NXPE2: variants seen among roughly 807,000 people sequenced by gnomAD.
The protein encoded by NXPE2 is NXPE family member 2.
NXPE2 carries 34 observed loss-of-function variants against 34.4 expected under a neutral mutation model. That is an observed-to-expected ratio of 0.99 (90% CI 0.75 to 1.31). NXPE2 has a LOEUF of 1.31. Ranked by LOEUF, NXPE2 falls within the 40% of genes most tolerant of loss-of-function variation. The pLI is 0.00. For missense variants in NXPE2, 649 were observed against 672.5 expected (o/e 0.97, Z 0.39); for synonymous variants, 235 against 231.3 (o/e 1.02, Z -0.15).
At chr11:114,509,583 G>A in the NXPE2 span, among the ~76,000 whole-genome samples, 88,948 of 152,080 alleles carry the variant, frequency 0.58, 28,007 homozygotes, top group African/African-American at 0.84. Flanking sequence ...AGGGAATACT[G>A]TGCAGCCATA....
At chr11:114,574,939 C>A in the NXPE2 span, among the ~76,000 whole-genome samples, 6 of 152,028 alleles carry the variant, frequency 3.9e-5, no homozygotes, top group Non-Finnish European at 8.8e-5. Flanking sequence ...TGCTAAAATC[C>A]TCACCAAAAT....
At chr11:114,813,334 A>C in the NXPE2 span, among the ~76,000 whole-genome samples, 2 of 152,116 alleles carry the variant, frequency 1.3e-5, no homozygotes, top group South Asian at 2.1e-4. Flanking sequence ...CAGACCATTC[A>C]TCTCTCTGCC....
the NXPE2 span, among the ~76,000 whole-genome samples, chr11:114,595,372 G>A: frequency 2.0e-5 from 3 of 151,932 alleles, no homozygotes; most frequent in Non-Finnish European, 2.9e-5. Context: ...TCTTTGCACC[G>A]GAATTCCAAG....
chr11:114,494,704 G>A, the NXPE2 span, among the ~76,000 whole-genome samples: 4 of 152,020 alleles, frequency 2.6e-5, no homozygotes, highest in Non-Finnish European at 5.9e-5. Context: ...TTTGTTACTG[G>A]TGTATTTAGT....
chr11:114,647,323 T>G, the NXPE2 span, among the ~76,000 whole-genome samples: 1 of 152,298 alleles, frequency 6.6e-6, no homozygotes, highest in South Asian at 2.1e-4. Context: ...TGGTATAAAG[T>G]TTTATAAAAT....
chr11:114,805,975 C>T, the NXPE2 span, among the ~76,000 whole-genome samples: 24 of 152,118 alleles, frequency 1.6e-4, no homozygotes, highest in South Asian at 6.2e-4. Context: ...CTCACACTGC[C>T]GGGTACTCCT....
At chr11:114,808,309 C>G in the NXPE2 span, among the ~76,000 whole-genome samples, 1 of 151,594 alleles carries the variant, frequency 6.6e-6, no homozygotes, top group Non-Finnish European at 1.5e-5. Flanking sequence ...CAAACACATT[C>G]AAAAGCTAGC....
the NXPE2 span, among the ~76,000 whole-genome samples, chr11:114,721,386 T>C: frequency 2.0e-5 from 3 of 152,144 alleles, no homozygotes; most frequent in Admixed American, 1.3e-4. Context: ...AAAACCTGTC[T>C]CTGCCTGATC....
chr11:114,733,226 T>C, the NXPE2 span, among the ~76,000 whole-genome samples: 1 of 152,158 alleles, frequency 6.6e-6, no homozygotes, highest in Non-Finnish European at 1.5e-5. Flanking sequence ...CCTGAGTAGC[T>C]GGGACTACAG....
chr11:114,559,610 GT>G, the NXPE2 span, among the ~76,000 whole-genome samples: 3,436 of 146,408 alleles, frequency 0.023, 123 homozygotes, highest in African/African-American at 0.08. Context: ...CTCACTATCA[GT>G]TTTTTTTTTT....
At chr11:114,579,978 T>A in the NXPE2 span, among the ~76,000 whole-genome samples, 1 of 152,206 alleles carries the variant, frequency 6.6e-6, no homozygotes, top group Non-Finnish European at 1.5e-5. Flanking sequence ...ATTGTTTTTT[T>A]AAAGGAAGGA....
At chr11:114,576,992 C>T in the NXPE2 span, among the ~76,000 whole-genome samples, 18 of 88,974 alleles carry the variant, frequency 2.0e-4, 1 homozygote, top group South Asian at 7.6e-4. Flanking sequence ...TATATATATA[C>T]ATATATATAT....
the NXPE2 span, among the ~76,000 whole-genome samples, chr11:114,793,096 T>C: frequency 6.6e-6 from 1 of 152,212 alleles, no homozygotes; most frequent in Non-Finnish European, 1.5e-5. Flanking sequence ...ACACTAGTGA[T>C]ACAGAACAGG....
chr11:114,499,130 C>T, the NXPE2 span, among the ~76,000 whole-genome samples: 1 of 152,058 alleles, frequency 6.6e-6, no homozygotes, highest in African/African-American at 2.4e-5. Flanking sequence ...TAGAAAATCA[C>T]ACGTCTCATC....
the NXPE2 span, among the ~76,000 whole-genome samples, chr11:114,790,204 G>A: frequency 6.6e-6 from 1 of 152,178 alleles, no homozygotes; most frequent in Non-Finnish European, 1.5e-5. Flanking sequence ...AGGAGGACAA[G>A]ACCCCAGAAA....
the NXPE2 span, among the ~76,000 whole-genome samples, chr11:114,555,141 T>C: frequency 5.8e-4 from 88 of 152,300 alleles, no homozygotes; most frequent in African/African-American, 2.1e-3. Flanking sequence ...CTGTCTGGTA[T>C]AGATATTTCT....
the NXPE2 span, among the ~76,000 whole-genome samples, chr11:114,794,129 C>G: frequency 1.3e-5 from 2 of 152,274 alleles, no homozygotes; most frequent in East Asian, 3.9e-4. Flanking sequence ...TGCTGAGTCT[C>G]TCCCGTCGGC....
At chr11:114,739,140 C>T in the NXPE2 span, among the ~76,000 whole-genome samples, 148,392 of 152,332 alleles carry the variant, frequency 0.97, 72,394 homozygotes, top group Middle Eastern at 1. Flanking sequence ...TGATGCACCA[C>T]ACCAGCAGAT....
chr11:114,793,279 G>A, the NXPE2 span, among the ~76,000 whole-genome samples: 2 of 152,186 alleles, frequency 1.3e-5, no homozygotes, highest in South Asian at 4.1e-4. Flanking sequence ...CCCAATCATT[G>A]TATTGTAAAT....
Sources: gnomAD v4.1 joint callset for allele counts (sites outside exome capture counted in the v4.1 genomes callset) on GRCh38, gnomAD v4.1.1 for gene constraint, MANE v1.5 for transcripts, NCBI Gene and HGNC (gene_info 2026-07-23, HGNC 2026-07-21) for gene names.